CTNND2: variants seen among roughly 807,000 people sequenced by gnomAD.
The protein encoded by CTNND2 is catenin delta-2.
In CTNND2, 22 loss-of-function variants were observed where a neutral mutation model predicts 144.4. That is an observed-to-expected ratio of 0.15 (90% CI 0.11 to 0.22). The LOEUF is 0.22. CTNND2 is among the 10% of genes least tolerant of loss of function. CTNND2 has a pLI of 1.00. For synonymous variants in CTNND2, 751 were observed against 695.6 expected, an observed-to-expected ratio of 1.08 and a Z score of -1.25; for missense variants, 1,353 against 1,618.8, an observed-to-expected ratio of 0.84 and a Z score of 2.82.
At chr5:11,515,385 T>C (rs1040729971) in intron 3 of CTNND2, among the ~76,000 whole-genome samples, 27 of 152,302 alleles carry the variant, frequency 1.8e-4, no homozygotes, top group African/African-American at 6.5e-4. Context: ...AGGAATAGAA[T>C]CTTAGATGGA....
At chr5:11,595,106 A>T (rs1305613066) in intron 2 of CTNND2, among the ~76,000 whole-genome samples, 1 of 152,236 alleles carries the variant, frequency 6.6e-6, no homozygotes, top group East Asian at 1.9e-4. Flanking sequence ...TGCAAGGAGT[A>T]AGATTTTTAG....
In CTNND2 at chr5:11,417,695, G is replaced by C. The variant is rs566921920; in HGVS notation, c.288-5626C>G. 5.7e-4 allele frequency among the ~76,000 whole-genome samples: 87 copies of C among 152,284 alleles called. 1 individual carries two copies. The highest frequency in any genetic ancestry group is 5.4e-3 in the Admixed American group (82 of 15,300). On this transcript the variant is annotated intron_variant, in intron 3 of 21. Transcript: ENST00000304623. ...GGGGAAGTAATTCTCATACACTGTA[G>C]GTGGGAAAGTAAATTAGTGAAACAC...
chr5:11,433,254 A>AC (rs1763461956), intron 3 of CTNND2, among the ~76,000 whole-genome samples: 1 of 151,726 alleles, frequency 6.6e-6, no homozygotes, highest in Admixed American at 6.6e-5. Flanking sequence ...TCACACACAC[A>AC]AAAAAAAATT....
intron 9 of CTNND2, among the ~76,000 whole-genome samples, chr5:11,288,376 AATT>A (rs1747968577): frequency 6.6e-6 from 1 of 151,862 alleles, no homozygotes; most frequent in Non-Finnish European, 1.5e-5. Flanking sequence ...ACTGCTAACT[AATT>A]TTAACACCAT....
At chr5:11,720,646 G>A (rs182248184) in intron 2 of CTNND2, among the ~76,000 whole-genome samples, 4 of 152,148 alleles carry the variant, frequency 2.6e-5, no homozygotes, top group Admixed American at 6.5e-5. Context: ...GTATGCTGCC[G>A]CGACTCATGT....
intron 1 of CTNND2, among the ~76,000 whole-genome samples, chr5:11,805,366 C>T (rs1791935235): frequency 6.6e-6 from 1 of 152,096 alleles, no homozygotes; most frequent in African/African-American, 2.4e-5. Context: ...GGACACTCCA[C>T]TAGCAACAAG....
At chr5:11,198,302 T>C (rs573888283) in intron 11 of CTNND2, among the ~76,000 whole-genome samples, 92 of 152,314 alleles carry the variant, frequency 6.0e-4, no homozygotes, top group African/African-American at 1.8e-3. Flanking sequence ...TCCACAAAGA[T>C]GATTTTCTAG....
intron 11 of CTNND2, among the ~76,000 whole-genome samples, chr5:11,182,305 G>A (rs1412695560): frequency 6.6e-6 from 1 of 151,924 alleles, no homozygotes; most frequent in Non-Finnish European, 1.5e-5. Flanking sequence ...TGCATGTGCT[G>A]GTCTGTGTGG....
At chr5:11,240,561 CAAA>C (rs1742254363) in intron 9 of CTNND2, among the ~76,000 whole-genome samples, 1 of 121,788 alleles carries the variant, frequency 8.2e-6, no homozygotes, top group African/African-American at 3.1e-5. Flanking sequence ...CACACACACT[CAAA>C]ACACACACCC....
intron 16 of CTNND2, among the ~76,000 whole-genome samples, chr5:11,034,166 CA>C (rs1743809682): frequency 6.6e-6 from 1 of 152,082 alleles, no homozygotes; most frequent in Non-Finnish European, 1.5e-5. Context: ...CTGGTTTTAT[CA>C]TTTCATAAAT....
chr5:11,676,448 T>C (rs1382525834), intron 2 of CTNND2, among the ~76,000 whole-genome samples: 3 of 151,806 alleles, frequency 2.0e-5, no homozygotes, highest in Non-Finnish European at 4.4e-5. Context: ...GCCAGTGGGG[T>C]GAAAGTCCGT....
At chr5:11,201,748 C>T (rs1365658717) in intron 10 of CTNND2, among the ~76,000 whole-genome samples, 2 of 151,982 alleles carry the variant, frequency 1.3e-5, no homozygotes, top group East Asian at 3.9e-4. Flanking sequence ...TGAGGGTGGT[C>T]ACAGCACCTG....
At chr5:11,306,542 C>T (rs2150042357) in intron 9 of CTNND2, among the ~76,000 whole-genome samples, 1 of 152,282 alleles carries the variant, frequency 6.6e-6, no homozygotes, top group Non-Finnish European at 1.5e-5. Context: ...ATCATCCATT[C>T]AACTAAGAGT....
chr5:11,592,845 T>C lies in CTNND2; in HGVS notation c.175-27789A>G, dbSNP rs1236982100. On this transcript the variant is annotated intron_variant, in intron 2 of 21. Coordinates refer to ENST00000304623, the MANE Select transcript of CTNND2 (RefSeq NM_001332.4). ...AAGAGAATAAATCTGGAAGACAGCC[T>C]ACCAGATAACATGGTGGACTAGAAA... is the stretch of plus-strand genomic sequence containing the variant. Among the ~76,000 whole-genome samples the C allele has an allele frequency of 2.0e-5, 3 of 151,124 alleles. No individual in the cohort carries two copies. In the Admixed American group the frequency reaches 2.0e-4, roughly 10 times the overall value.
At chr5:11,621,664 T>C (rs1780848971) in intron 2 of CTNND2, among the ~76,000 whole-genome samples, 1 of 152,188 alleles carries the variant, frequency 6.6e-6, no homozygotes, top group Admixed American at 6.6e-5. Context: ...AAAATGCACT[T>C]AGCTTCCTTC....
chr5:11,215,863 G>A (rs1374058486), intron 10 of CTNND2, among the ~76,000 whole-genome samples: 2 of 152,230 alleles, frequency 1.3e-5, no homozygotes, highest in African/African-American at 2.4e-5. Context: ...TTACAGGGGT[G>A]AGGGAAATAG....
chr5:11,497,515 G>GGA (rs1554071545), intron 3 of CTNND2, among the ~76,000 whole-genome samples: 1 of 78,274 alleles, frequency 1.3e-5, no homozygotes, highest in African/African-American at 5.4e-5. Context: ...GATGTGCGGG[G>GGA]GGGTGGGGGG....
chr5:11,622,971 T>C (rs773827821), intron 2 of CTNND2, among the ~76,000 whole-genome samples: 7 of 152,158 alleles, frequency 4.6e-5, no homozygotes, highest in Non-Finnish European at 8.8e-5. Flanking sequence ...CAAAGCAACA[T>C]TAACAACACG....
chr5:11,549,263 A>G (rs1775544219), intron 3 of CTNND2, among the ~76,000 whole-genome samples: 1 of 152,182 alleles, frequency 6.6e-6, no homozygotes, highest in Admixed American at 6.5e-5. Flanking sequence ...CGGGATCTAT[A>G]TTTGGCGTCT....
Sources: allele counts gnomAD v4.1 joint callset (sites outside exome capture counted in the v4.1 genomes callset), GRCh38; gene constraint gnomAD v4.1.1; transcripts MANE v1.5; gene names NCBI Gene and HGNC (gene_info 2026-07-23, HGNC 2026-07-21).